APBA2: variants seen among roughly 807,000 people sequenced by gnomAD.
The protein encoded by APBA2 is amyloid-beta A4 precursor protein-binding family A member 2.
In APBA2, 30 loss-of-function variants were observed where a neutral mutation model predicts 75.0. That is an observed-to-expected ratio of 0.40 (90% CI 0.30 to 0.54). APBA2 has a LOEUF of 0.54. Ranked by LOEUF, APBA2 falls within the 20% of genes least tolerant of loss-of-function variation. The pLI is 0.49. For synonymous variants in APBA2, 444 were observed against 409.6 expected (o/e 1.08, Z -1.01); for missense variants, 801 against 1,016.1 (o/e 0.79, Z 2.88).
intron 6 of APBA2, among the ~76,000 whole-genome samples, chr15:29,091,867 C>G (rs780334556): frequency 1.3e-4 from 20 of 152,184 alleles, no homozygotes; most frequent in Non-Finnish European, 2.5e-4. Flanking sequence ...TGGCTGGGCC[C>G]GTGATGCTGG....
intron 7 of APBA2, 69 bp from the exon 8 acceptor site, chr15:29,094,209 T>G: frequency 2.6e-6 from 4 of 1,561,438 alleles, no homozygotes; most frequent in South Asian, 1.1e-5. Context: ...ACCACCAAAG[T>G]GACATAACCT....
At chr15:29,038,388 G>A (rs12441607) in intron 3 of APBA2, among the ~76,000 whole-genome samples, 11,303 of 152,220 alleles carry the variant, frequency 0.074, 946 homozygotes, top group East Asian at 0.21. Context: ...GATTGAAACC[G>A]TAGGTCATCC....
intron 3 of APBA2, among the ~76,000 whole-genome samples, chr15:29,010,102 A>G (rs902476297): frequency 6.6e-6 from 1 of 152,170 alleles, no homozygotes; most frequent in African/African-American, 2.4e-5. Flanking sequence ...TAGTGGATGC[A>G]TGGTGGGATC....
chr15:29,103,551 G>A lies in APBA2; in HGVS notation c.1524+1767G>A, dbSNP rs1302048315. On this transcript the variant is annotated intron_variant, in intron 10 of 14. Coordinates refer to ENST00000683413, the MANE Select transcript of APBA2 (RefSeq NM_001353788.2). Reference sequence around the variant, plus strand: ...GGTACCCGGCGTGGAGTGACGGGGAGGCGGCGGCTGGCGGCACACCAGCGG... The same window carrying A: ...GGTACCCGGCGTGGAGTGACGGGGAAGCGGCGGCTGGCGGCACACCAGCGG... 4.6e-5 allele frequency among the ~76,000 whole-genome samples: 7 copies of A among 152,252 alleles called. No homozygotes were observed. The East Asian group carries it at 1.2e-3, about 25-fold the overall frequency.
At chr15:28,981,438 A>G (rs2037616060) in intron 2 of APBA2, among the ~76,000 whole-genome samples, 1 of 152,226 alleles carries the variant, frequency 6.6e-6, no homozygotes, top group African/African-American at 2.4e-5. Flanking sequence ...GAAGAATGCA[A>G]ATCAGTACCA....
chr15:29,048,179 T>C (rs2041432666), intron 3 of APBA2, among the ~76,000 whole-genome samples: 1 of 152,076 alleles, frequency 6.6e-6, no homozygotes. Flanking sequence ...AAACTTCATC[T>C]CTACAAAAAA....
At chr15:28,953,739 G>A (rs1158447167) in intron 2 of APBA2, among the ~76,000 whole-genome samples, 2 of 152,062 alleles carry the variant, frequency 1.3e-5, no homozygotes, top group Non-Finnish European at 2.9e-5. Context: ...TCTGTGCTTG[G>A]GATTTTCTTC....
chr15:29,049,713 A>C (rs1002011184), intron 3 of APBA2, among the ~76,000 whole-genome samples: 7 of 152,314 alleles, frequency 4.6e-5, no homozygotes, highest in Admixed American at 2.6e-4. Flanking sequence ...TCGCTGAAAG[A>C]CATGCACTGG....
intron 2 of APBA2, among the ~76,000 whole-genome samples, chr15:28,946,808 G>T (rs1222154371): frequency 6.6e-6 from 1 of 152,128 alleles, no homozygotes; most frequent in Non-Finnish European, 1.5e-5. Context: ...TGAACTCCTG[G>T]GCTCAAGGGA....
intron 10 of APBA2, among the ~76,000 whole-genome samples, chr15:29,104,028 C>G (rs899214195): frequency 1.3e-5 from 2 of 152,244 alleles, no homozygotes; most frequent in African/African-American, 4.8e-5. Context: ...TAGGGCCCGT[C>G]AGGGAGGGCA....
chr15:29,054,682 A>G lies in APBA2; in HGVS notation c.798A>G (p.Pro266=), dbSNP rs1566952847. 1.2e-6 allele frequency: 2 copies of G among 1,613,980 alleles called. No homozygotes were observed. The highest frequency in any genetic ancestry group is 1.7e-6 in the Non-Finnish European group (2 of 1,179,992). The stretch of plus-strand genomic sequence containing the variant: ...CTGAGGACTCTGTAGAGGCCTGCCC[A>G]CCCATCAAGGCCAGCTGCAGCCCCA... ...PGPEDSVEAC[P]PIKASCSPSR... Residue 266 remains proline (P), a synonymous_variant, in exon 4 of 15, where the codon CCA becomes CCG. Transcript: ENST00000683413. This position sits in a 1 kb window ranked among gnomAD's most constrained non-coding sequence, Gnocchi z 6.1.
At chr15:28,940,356 C>CAAAAAA (rs398043111) in intron 2 of APBA2, among the ~76,000 whole-genome samples, 71 of 38,456 alleles carry the variant, frequency 1.8e-3, no homozygotes, top group Non-Finnish European at 2.7e-3. Flanking sequence ...ACTAAAAATA[C>CAAAAAA]AAAAAAAAAA....
chr15:29,019,410 G>A (rs1183334823), intron 3 of APBA2, among the ~76,000 whole-genome samples: 1 of 152,176 alleles, frequency 6.6e-6, no homozygotes, highest in East Asian at 1.9e-4. Context: ...GAGTGCATTC[G>A]GGAAGAAAAT....
chr15:28,919,020 C>G (rs554245600), intron 1 of APBA2, among the ~76,000 whole-genome samples: 15 of 152,190 alleles, frequency 9.9e-5, no homozygotes, highest in Admixed American at 9.8e-4. Flanking sequence ...CCACCACGCC[C>G]GGCTAATTTT....
intron 3 of APBA2, among the ~76,000 whole-genome samples, chr15:29,032,827 C>A (rs1262587308): frequency 6.6e-6 from 1 of 152,150 alleles, no homozygotes; most frequent in Non-Finnish European, 1.5e-5. Flanking sequence ...CCTCTGAGAC[C>A]AGATCCCGGA....
intron 1 of APBA2, among the ~76,000 whole-genome samples, chr15:28,914,430 G>C (rs2033573939): frequency 6.6e-6 from 1 of 152,248 alleles, no homozygotes; most frequent in South Asian, 2.1e-4. Flanking sequence ...GATGGCTGGG[G>C]GTTTGGGGCC....
chr15:28,940,683 G>A (rs951069225), intron 2 of APBA2, among the ~76,000 whole-genome samples: 2 of 152,156 alleles, frequency 1.3e-5, no homozygotes, highest in African/African-American at 2.4e-5. Context: ...CCAATCACAC[G>A]GAGCACCCCC....
intron 1 of APBA2, among the ~76,000 whole-genome samples, chr15:28,895,272 C>T (rs1343403207): frequency 1.3e-5 from 2 of 152,174 alleles, no homozygotes; most frequent in Admixed American, 6.5e-5. Flanking sequence ...TGCTGGCCTC[C>T]GGTGGCTGGC....
At chr15:28,941,741 G>A (rs949209109) in intron 2 of APBA2, among the ~76,000 whole-genome samples, 19 of 152,128 alleles carry the variant, frequency 1.2e-4, no homozygotes, top group Non-Finnish European at 2.2e-4. Context: ...TTTCATAGCC[G>A]TTTTGTTTGT....
Sources: gnomAD v4.1 joint callset for allele counts (sites outside exome capture counted in the v4.1 genomes callset) on GRCh38, gnomAD v4.1.1 for gene constraint, Gnocchi (gnomAD v3.1) non-coding constraint, MANE v1.5 for transcripts, NCBI Gene and HGNC (gene_info 2026-07-23, HGNC 2026-07-21) for gene names.